ITGA8: variants seen among roughly 807,000 people sequenced by gnomAD.
The protein encoded by ITGA8 is integrin alpha-8.
In ITGA8, 91 loss-of-function variants were observed where a neutral mutation model predicts 142.3. The ratio of observed to expected loss-of-function variants is 0.64; its 90% CI spans 0.54 to 0.76. The LOEUF is 0.76. Ranked by LOEUF, ITGA8 falls within the 30% of genes least tolerant of loss-of-function variation. ITGA8 has a pLI of 0.00. For synonymous variants in ITGA8, 505 were observed against 485.2 expected, an observed-to-expected ratio of 1.04 and a Z score of -0.54; for missense variants, 1,406 against 1,327.7, an observed-to-expected ratio of 1.06 and a Z score of -0.92.
At chr10:15,638,556 GT>G (rs1353690066) in intron 13 of ITGA8, among the ~76,000 whole-genome samples, 3 of 152,278 alleles carry the variant, frequency 2.0e-5, no homozygotes, top group Non-Finnish European at 2.9e-5. Context: ...AGGAGAAAGC[GT>G]TTATCTCAAG....
intron 23 of ITGA8, among the ~76,000 whole-genome samples, chr10:15,578,328 C>T (rs1834337130): frequency 2.6e-5 from 4 of 152,040 alleles, no homozygotes; most frequent in Non-Finnish European, 5.9e-5. Flanking sequence ...CCTGAAGGTC[C>T]ATCTGTCAAT....
At chr10:15,548,613 AGAGACT>A in intron 26 of ITGA8, 45 bp from the exon 27 acceptor site, 1 of 1,248,802 alleles carries the variant, frequency 8.0e-7, no homozygotes, top group East Asian at 2.4e-5. Flanking sequence ...AAATCATGGT[AGAGACT>A]GAACACTGAA....
At position 15,719,830 on chromosome 10, in the gene ITGA8, G is replaced by C; in HGVS notation, c.-59C>G. The stretch of plus-strand genomic sequence containing the variant: ...GAGCGCGAGCCGAGGACCCCTGCGG[G>C]GCAAGGGGGGCTGGTGGAATCTGGC... On this transcript the variant is annotated 5_prime_UTR_variant, in exon 1 of 30. Coordinates refer to ENST00000378076, the MANE Select transcript of ITGA8 (RefSeq NM_003638.3). 1 of 1,222,590 alleles carries C rather than the reference G, an allele frequency of 8.2e-7. No homozygotes were observed. The highest frequency in any genetic ancestry group is 1.0e-6 in the Non-Finnish European group (1 of 958,726). 75.7% of individuals were successfully genotyped at this position (1,222,590 alleles called of 1,614,324 possible). A position where few individuals can be genotyped will look rare whatever the true frequency, so the allele number is the denominator to read the frequency against.
intron 27 of ITGA8, among the ~76,000 whole-genome samples, chr10:15,543,039 C>G (rs1008135100): frequency 6.6e-6 from 1 of 152,208 alleles, no homozygotes; most frequent in East Asian, 1.9e-4. Context: ...AGAGTTATTG[C>G]TGGCTTACAC....
intron 20 of ITGA8, among the ~76,000 whole-genome samples, chr10:15,597,502 G>A (rs999507693): frequency 1.3e-5 from 2 of 152,078 alleles, no homozygotes; most frequent in Admixed American, 6.6e-5. Context: ...AAATGTGTTG[G>A]GTAGGTAAGC....
chr10:15,594,000 C>A (rs1588664007), intron 21 of ITGA8, among the ~76,000 whole-genome samples: 2 of 152,144 alleles, frequency 1.3e-5, no homozygotes, highest in South Asian at 2.1e-4. Context: ...TGCCACCACA[C>A]CCAGCAATTT....
chr10:15,634,277 C>A (rs992433416), intron 13 of ITGA8, among the ~76,000 whole-genome samples: 2 of 151,976 alleles, frequency 1.3e-5, no homozygotes, highest in African/African-American at 2.4e-5. Flanking sequence ...TAAAGGCATG[C>A]GTTATGCCCA....
intron 27 of ITGA8, among the ~76,000 whole-genome samples, chr10:15,542,624 T>C (rs1204308014): frequency 6.6e-6 from 1 of 152,152 alleles, no homozygotes; most frequent in East Asian, 1.9e-4. Flanking sequence ...GATCAAAATA[T>C]AAAATCCACA....
At chr10:15,593,252 C>T (rs1832955701) in intron 21 of ITGA8, among the ~76,000 whole-genome samples, 1 of 152,032 alleles carries the variant, frequency 6.6e-6, no homozygotes, top group African/African-American at 2.4e-5. Flanking sequence ...TAGATAAAAA[C>T]ATGGGGAAAA....
At chr10:15,679,327 G>A (rs577577468) in intron 4 of ITGA8, among the ~76,000 whole-genome samples, 12 of 152,306 alleles carry the variant, frequency 7.9e-5, no homozygotes, top group African/African-American at 2.6e-4. Context: ...GCTCATGCCT[G>A]TAATCCCAGC....
chr10:15,707,623 G>A (rs990917599), intron 2 of ITGA8, among the ~76,000 whole-genome samples: 3 of 152,034 alleles, frequency 2.0e-5, no homozygotes, highest in African/African-American at 7.2e-5. Context: ...AGCAGTTCGA[G>A]AGCAGCCTGG....
intron 12 of ITGA8, 80 bp downstream of exon 12, chr10:15,646,766 G>A: frequency 9.7e-7 from 1 of 1,031,928 alleles, no homozygotes; most frequent in Non-Finnish European, 1.5e-6. Context: ...ACACCATACT[G>A]AATACTTTAA....
At chr10:15,695,314 C>A (rs1170330239) in intron 2 of ITGA8, among the ~76,000 whole-genome samples, 2 of 152,068 alleles carry the variant, frequency 1.3e-5, no homozygotes, top group Non-Finnish European at 2.9e-5. Context: ...CTCTCATTGA[C>A]CTTTGAAGTC....
At chr10:15,658,661 C>T (rs1834230729) in intron 10 of ITGA8, among the ~76,000 whole-genome samples, 1 of 152,198 alleles carries the variant, frequency 6.6e-6, no homozygotes, top group East Asian at 1.9e-4. Flanking sequence ...TCCTGATCAC[C>T]CCATCCAAAG....
At chr10:15,621,408 G>A (rs1833489003) in intron 13 of ITGA8, among the ~76,000 whole-genome samples, 1 of 152,122 alleles carries the variant, frequency 6.6e-6, no homozygotes, top group Non-Finnish European at 1.5e-5. Context: ...AAAATGTGAG[G>A]TCATAGGAGA....
At position 15,717,112 on chromosome 10, in the gene ITGA8, T is replaced by G. The variant is rs116327527; in HGVS notation, c.343+1654A>C. Among the ~76,000 whole-genome samples, 872 of 152,302 alleles carry G rather than the reference T, an allele frequency of 5.7e-3. 6 individuals carry two copies. The highest frequency in any genetic ancestry group is 0.02 in the African/African-American group (842 of 41,556). On this transcript the variant is annotated intron_variant, in intron 2 of 29. Coordinates refer to ENST00000378076, the MANE Select transcript of ITGA8 (RefSeq NM_003638.3). ...ACTTACAAAGTAAGTCAGTTGTAAC[T>G]TATCAGGGCAGACATTGATTCTTCC... is the stretch of plus-strand genomic sequence containing the variant.
At chr10:15,641,632 C>T (rs1477472418) in intron 13 of ITGA8, among the ~76,000 whole-genome samples, 2 of 152,126 alleles carry the variant, frequency 1.3e-5, no homozygotes, top group Non-Finnish European at 2.9e-5. Context: ...CATGGATGAA[C>T]TCTGAAAGCC....
chr10:15,637,517 T>TTTTG (rs1554780460), intron 13 of ITGA8, among the ~76,000 whole-genome samples: 71 of 149,928 alleles, frequency 4.7e-4, no homozygotes, highest in Admixed American at 1.6e-3. Context: ...TTTTTTTTTT[T>TTTTG]TTTTTGTTTT....
intron 11 of ITGA8, among the ~76,000 whole-genome samples, chr10:15,653,144 C>T (rs141885337): frequency 1.8e-4 from 28 of 152,282 alleles, no homozygotes; most frequent in East Asian, 1.2e-3. Flanking sequence ...TCAGGGAATA[C>T]GCACCTTTTG....
Sources: allele counts gnomAD v4.1 joint callset (sites outside exome capture counted in the v4.1 genomes callset), GRCh38; gene constraint gnomAD v4.1.1; transcripts MANE v1.5; gene names NCBI Gene and HGNC (gene_info 2026-07-23, HGNC 2026-07-21).